HERC4: variants seen among roughly 807,000 people sequenced by gnomAD.
The protein encoded by HERC4 is probable E3 ubiquitin-protein ligase HERC4.
In HERC4, 28 loss-of-function variants were observed where a neutral mutation model predicts 124.3. The ratio of observed to expected loss-of-function variants is 0.23; its 90% CI spans 0.17 to 0.31. The LOEUF (loss-of-function observed/expected upper bound fraction) is 0.31, where lower values mean the gene tolerates loss of function less well. Among genes scored for constraint, HERC4 ranks in the 10% least tolerant of loss-of-function variants. HERC4 has a pLI of 1.00. For missense variants in HERC4, 713 were observed against 1,229.3 expected (o/e 0.58, Z 6.28); for synonymous variants, 407 against 421.5 (o/e 0.97, Z 0.42).
intron 15 of HERC4, among the ~76,000 whole-genome samples, chr10:67,976,995 T>TAGGTGAGTCCAAGTGC (rs1331877333): frequency 1.3e-5 from 2 of 152,132 alleles, no homozygotes. Flanking sequence ...CCGCAACTAC[T>TAGGTGAGTCCAAGTGC]AGGTGAGTCC....
At chr10:68,006,808 TC>T in intron 9 of HERC4, among the ~76,000 whole-genome samples, 1 of 152,334 alleles carries the variant, frequency 6.6e-6, no homozygotes, top group African/African-American at 2.4e-5. Context: ...TGCCATTCTC[TC>T]CTAATCTGTA....
intron 19 of HERC4, among the ~76,000 whole-genome samples, chr10:67,947,697 G>A (rs932653635): frequency 6.6e-6 from 1 of 152,096 alleles, no homozygotes; most frequent in African/African-American, 2.4e-5. Flanking sequence ...TAGACCATAT[G>A]TTAGGTCACA....
At chr10:68,053,994 T>C (rs774654454) in intron 3 of HERC4, among the ~76,000 whole-genome samples, 2 of 152,182 alleles carry the variant, frequency 1.3e-5, no homozygotes, top group African/African-American at 2.4e-5. Context: ...TTCAACTCTT[T>C]AGTACATGTT....
chr10:67,979,518 C>G (rs1206481010), intron 15 of HERC4, among the ~76,000 whole-genome samples: 2 of 151,876 alleles, frequency 1.3e-5, no homozygotes, highest in Non-Finnish European at 2.9e-5. Context: ...ATAGATGGGG[C>G]AGAAAATTAA....
intron 5 of HERC4, among the ~76,000 whole-genome samples, chr10:68,034,666 G>C (rs925438808): frequency 6.6e-6 from 1 of 152,004 alleles, no homozygotes; most frequent in Non-Finnish European, 1.5e-5. Flanking sequence ...AATTTCAAAG[G>C]AACTTCTAAC....
intron 8 of HERC4, among the ~76,000 whole-genome samples, chr10:68,020,718 G>A (rs1467453957): frequency 6.7e-6 from 1 of 149,842 alleles, no homozygotes; most frequent in East Asian, 2.0e-4. Context: ...GCAATGAGCT[G>A]AGATCGCGCC....
chr10:67,998,455 G>A (rs2037025864), intron 9 of HERC4, among the ~76,000 whole-genome samples: 1 of 149,246 alleles, frequency 6.7e-6, no homozygotes, highest in Non-Finnish European at 1.5e-5. Flanking sequence ...GCTGAGGCAG[G>A]AGAATTGCTT....
At chr10:68,027,597 A>G (rs2038970258) in intron 7 of HERC4, among the ~76,000 whole-genome samples, 1 of 152,224 alleles carries the variant, frequency 6.6e-6, no homozygotes, top group Admixed American at 6.5e-5. Flanking sequence ...CATGTCACAA[A>G]GCATATGTCT....
rs576001025 is a variant in HERC4, at chr10:68,000,442, G to A, written c.1070-7760C>T. Among the ~76,000 whole-genome samples, 10 of 152,160 alleles carry A rather than the reference G, an allele frequency of 6.6e-5. No homozygotes were observed. The South Asian group carries it at 2.1e-3, about 32-fold the overall frequency. The stretch of plus-strand genomic sequence containing the variant: ...AAAATACAAAAAGTTAACTGGGTGT[G>A]GTGGCATGCACCTGTAGTCCCAGCT... On this transcript the variant is annotated intron_variant, in intron 9 of 24. Transcript: ENST00000373700.
intron 15 of HERC4, among the ~76,000 whole-genome samples, chr10:67,978,269 CACAA>C (rs1479612362): frequency 3.9e-5 from 6 of 152,184 alleles, no homozygotes; most frequent in East Asian, 1.9e-4. Flanking sequence ...CGTCTCCAAA[CACAA>C]ACAAACAAAA....
At chr10:67,981,966 T>C (rs1331460573) in intron 15 of HERC4, among the ~76,000 whole-genome samples, 2 of 151,880 alleles carry the variant, frequency 1.3e-5, no homozygotes, top group African/African-American at 4.8e-5. Context: ...AGAAAAACTA[T>C]CAAAGAAATT....
intron 9 of HERC4, among the ~76,000 whole-genome samples, chr10:67,998,442 G>A (rs2037024726): frequency 6.6e-6 from 1 of 150,878 alleles, no homozygotes; most frequent in Non-Finnish European, 1.5e-5. Flanking sequence ...AGCTACTCAG[G>A]AGGCTGAGGC....
chr10:68,025,235 A>G lies in HERC4; in HGVS notation c.908+311T>C, dbSNP rs2038838595. 2.6e-5 allele frequency among the ~76,000 whole-genome samples: 4 copies of G among 151,930 alleles called. No homozygotes were observed. In the South Asian group the frequency reaches 8.3e-4, roughly 32 times the overall value. ...AAGACTCTATCACCCCAAAAAGGAA[A>G]GAAAAGAAAAGAAAAAAAGGTGGAA... is the stretch of plus-strand genomic sequence containing the variant. On this transcript the variant is annotated intron_variant, in intron 8 of 24. Transcript: ENST00000373700.
intron 15 of HERC4, among the ~76,000 whole-genome samples, chr10:67,975,080 T>C (rs1183208013): frequency 6.6e-6 from 1 of 152,022 alleles, no homozygotes; most frequent in Non-Finnish European, 1.5e-5. Flanking sequence ...TCCCAGCTAC[T>C]TGGGAGGCTG....
chr10:68,014,005 C>G, intron 9 of HERC4, 21 bp downstream of exon 9: 1 of 1,545,826 alleles, frequency 6.5e-7, no homozygotes, highest in Non-Finnish European at 8.7e-7. Context: ...TGAAGGAAAG[C>G]TTTAATATGA....
chr10:67,990,360 G>C lies in HERC4; in HGVS notation c.1484C>G (p.Thr495Ser). The change falls in exon 14 of 25, where the codon ACT becomes AGT. Residue 495 changes from threonine to serine, a missense_variant. Thr to Ser is a moderately conservative substitution (Grantham distance 58). Transcript: ENST00000373700. ...SLEKNLIPKL[T>S]SSLPDVEALR... ...TGCTTCAACATCAGGTAAGGAGCTA[G>C]TCAGTTTAGGAATAAGATTCTTTTC... The C allele has an allele frequency of 6.2e-7, 1 of 1,603,724 alleles. No individual in the cohort carries two copies. Among genetic ancestry groups the C allele is most frequent in the African/African-American group, 1.3e-5 (1 of 74,486 alleles).
intron 3 of HERC4, among the ~76,000 whole-genome samples, chr10:68,063,701 G>A (rs1009784789): frequency 5.3e-5 from 8 of 152,172 alleles, no homozygotes; most frequent in African/African-American, 1.9e-4. Context: ...ACTTTGGGAG[G>A]CCAAGGCGGA....
Position 68,072,938 on chromosome 10 carries a change from T to G in HERC4, c.171A>C (p.Thr57=), listed in dbSNP as rs759432031. 1 of 1,614,088 alleles carries G rather than the reference T, an allele frequency of 6.2e-7. No individual in the cohort carries two copies. The change falls in exon 3 of 25, where the codon ACA becomes ACC. Residue 57 remains threonine, a synonymous_variant. Transcript: ENST00000373700. The part of the protein sequence containing the change: ...VFVLDDGTVY[T]CGCNDLGQLG... ...GCTGTCCTAGATCATTACATCCACA[T>G]GTGTACACTGTTCCATCATCCAGAA... is the stretch of plus-strand genomic sequence containing the variant.
chr10:68,039,172 TAGC>T (rs2039631945), intron 4 of HERC4, among the ~76,000 whole-genome samples: 1 of 143,930 alleles, frequency 6.9e-6, no homozygotes, highest in South Asian at 2.2e-4. Context: ...AAAAAAAAAT[TAGC>T]AGGTGTGGTG....
Sources: allele counts gnomAD v4.1 joint callset (sites outside exome capture counted in the v4.1 genomes callset), GRCh38; gene constraint gnomAD v4.1.1; transcripts MANE v1.5; gene names NCBI Gene and HGNC (gene_info 2026-07-23, HGNC 2026-07-21).